HIVEP1: variants seen among roughly 807,000 people sequenced by gnomAD.
The protein encoded by HIVEP1 is HIVEP zinc finger 1.
HIVEP1 carries 36 observed loss-of-function variants against 180.0 expected under a neutral mutation model. The ratio of observed to expected loss-of-function variants is 0.20; its 90% CI spans 0.15 to 0.26. The LOEUF (loss-of-function observed/expected upper bound fraction) is 0.26. Ranked by LOEUF, HIVEP1 falls within the 10% of genes least tolerant of loss-of-function variation. HIVEP1 has a pLI of 1.00. For missense variants in HIVEP1, 3,143 were observed against 3,268.7 expected (o/e 0.96, Z 0.94); for synonymous variants, 1,239 against 1,239.0 (o/e 1.00, Z 0.00).
chr6:12,091,279 C>T (rs188169852), intron 3 of HIVEP1, among the ~76,000 whole-genome samples: 293 of 152,146 alleles, frequency 1.9e-3, no homozygotes, highest in African/African-American at 6.5e-3. Context: ...TACAATAGAT[C>T]TCTTTTTCAT....
intron 3 of HIVEP1, among the ~76,000 whole-genome samples, chr6:12,092,376 C>T (rs560748849): frequency 1.3e-5 from 2 of 152,248 alleles, no homozygotes; most frequent in South Asian, 4.1e-4. Context: ...TAAGATTCAC[C>T]CATGCCGTTG....
chr6:12,095,024 C>A (rs1242128858), intron 3 of HIVEP1, among the ~76,000 whole-genome samples: 1 of 151,988 alleles, frequency 6.6e-6, no homozygotes, highest in African/African-American at 2.4e-5. Context: ...TCCATCTTAT[C>A]TAAACAGTCA....
At chr6:12,147,758 G>C (rs1051257162) in intron 7 of HIVEP1, among the ~76,000 whole-genome samples, 4 of 152,164 alleles carry the variant, frequency 2.6e-5, no homozygotes, top group Admixed American at 2.6e-4. Flanking sequence ...AGTTTGGATG[G>C]AAAGTCTGAA....
chr6:12,156,305 G>C (rs1336430679), intron 7 of HIVEP1, among the ~76,000 whole-genome samples: 1 of 151,986 alleles, frequency 6.6e-6, no homozygotes, highest in Non-Finnish European at 1.5e-5. Flanking sequence ...TAAAATCTTT[G>C]CCCGTGACTG....
In HIVEP1 at chr6:12,145,515, T is replaced by TA. The variant is rs202193525; in HGVS notation, c.6487+9641dup. Among the ~76,000 whole-genome samples, 196 of 103,728 alleles carry TA rather than the reference T, an allele frequency of 1.9e-3. 2 individuals are homozygous for TA. Among genetic ancestry groups the TA allele is most frequent in the African/African-American group, 3.0e-3 (76 of 25,522 alleles). The allele number at this position is 103,728 out of a possible 152,430, so 68.0% of individuals were successfully genotyped here. On this transcript the variant is annotated intron_variant, in intron 7 of 8. Transcript: ENST00000379388. ...CATATGTACCCTAGAACTTAAAGTATAAAAAAAAAAAAAAAAAAGAACGCC... is the reference window on the plus strand; with the variant it reads ...CATATGTACCCTAGAACTTAAAGTATAAAAAAAAAAAAAAAAAAAGAACGCC...
the HIVEP1 span, among the ~76,000 whole-genome samples, chr6:12,183,616 C>A: frequency 6.6e-6 from 1 of 152,062 alleles, no homozygotes; most frequent in Non-Finnish European, 1.5e-5. Flanking sequence ...CATCTTTTTG[C>A]CACCTTTCAT....
intron 2 of HIVEP1, among the ~76,000 whole-genome samples, chr6:12,048,830 G>C (rs1290921809): frequency 6.6e-6 from 1 of 151,928 alleles, no homozygotes; most frequent in Non-Finnish European, 1.5e-5. Flanking sequence ...TTCTGCTTGG[G>C]GACAGTTTTG....
intron 1 of HIVEP1, among the ~76,000 whole-genome samples, chr6:12,013,660 T>A (rs1342469341): frequency 6.6e-6 from 1 of 152,224 alleles, no homozygotes; most frequent in Non-Finnish European, 1.5e-5. Context: ...CGAACGTAGT[T>A]AAGCATTCAT....
At position 12,063,036 on chromosome 6, in the gene HIVEP1, A is replaced by G. The variant is rs1771341610; in HGVS notation, c.41-26148A>G. On this transcript the variant is annotated intron_variant, in intron 2 of 8. Transcript: ENST00000379388. This position sits in a 1 kb window ranked among gnomAD's most constrained non-coding sequence, Gnocchi z 4.2. ...ATGTGAAGACTCCCCTGTTAGTAGT[A>G]GTTATTGCTAACACGTATCATTATT... Among the ~76,000 whole-genome samples the G allele has an allele frequency of 6.6e-6, 1 of 152,228 alleles. No individual in the cohort carries two copies. Among genetic ancestry groups the G allele is most frequent in the Admixed American group, 6.5e-5 (1 of 15,284 alleles).
At chr6:12,202,764 T>C in the HIVEP1 span, among the ~76,000 whole-genome samples, 2 of 152,172 alleles carry the variant, frequency 1.3e-5, no homozygotes, top group Non-Finnish European at 2.9e-5. Context: ...CCTCAAACAC[T>C]ATGGGTGCTG....
chr6:12,093,624 A>G (rs1260227133), intron 3 of HIVEP1, among the ~76,000 whole-genome samples: 1 of 151,780 alleles, frequency 6.6e-6, no homozygotes, highest in East Asian at 1.9e-4. Flanking sequence ...ACCATTGCTA[A>G]TATTGTTAAA....
At chr6:12,078,266 T>G (rs187842224) in intron 2 of HIVEP1, among the ~76,000 whole-genome samples, 23 of 152,234 alleles carry the variant, frequency 1.5e-4, no homozygotes, top group African/African-American at 5.1e-4. Flanking sequence ...GAAAGAATAG[T>G]CTCGGTGGTC....
chr6:12,018,016 C>T (rs1000185912), intron 2 of HIVEP1, among the ~76,000 whole-genome samples: 3 of 152,208 alleles, frequency 2.0e-5, no homozygotes, highest in African/African-American at 4.8e-5. Flanking sequence ...GAGCCCATGG[C>T]GTGGGGGGTG....
intron 2 of HIVEP1, among the ~76,000 whole-genome samples, chr6:12,051,443 C>A (rs1388774166): frequency 6.6e-6 from 1 of 152,118 alleles, no homozygotes; most frequent in Non-Finnish European, 1.5e-5. Flanking sequence ...AAAAGTCCAT[C>A]TTCTATCTCT....
At chr6:12,011,270 T>TGCCCCCCCC, upstream of HIVEP1, among the ~76,000 whole-genome samples, 1 of 71,630 alleles carries the variant, frequency 1.4e-5, no homozygotes, top group East Asian at 3.8e-4. Flanking sequence ...CCCCTTGGGG[T>TGCCCCCCCC]CCCCCCCCCC....
At chr6:12,165,416 G>A (rs1760676297), downstream of HIVEP1, among the ~76,000 whole-genome samples, 1 of 152,142 alleles carries the variant, frequency 6.6e-6, no homozygotes, top group African/African-American at 2.4e-5. Context: ...CGTGGGCTAT[G>A]GGCTCTTCTT....
chr6:12,041,574 C>G (rs977933567), intron 2 of HIVEP1, among the ~76,000 whole-genome samples: 2 of 151,126 alleles, frequency 1.3e-5, no homozygotes, highest in African/African-American at 2.4e-5. Context: ...CAGGTCATTA[C>G]ATGCAGATTT....
At chr6:12,185,241 G>A in the HIVEP1 span, among the ~76,000 whole-genome samples, 914 of 152,298 alleles carry the variant, frequency 6.0e-3, 6 homozygotes, top group South Asian at 0.014. Flanking sequence ...GGTGTAAGGC[G>A]TTCACCCAGA....
chr6:12,122,224 C>G lies in HIVEP1; in HGVS notation c.2429C>G (p.Pro810Arg). The part of the protein sequence containing the change: ...GRRTSSSSDI[P>R]KSPFTPTEKS... The stretch of plus-strand genomic sequence containing the variant: ...AGAACAAGTTCAAGCTCTGATATAC[C>G]GAAGTCACCTTTCACCCCTACTGAA... Residue 810 changes from proline (P) to arginine (R), a missense_variant, in exon 4 of 9, where the codon CCG becomes CGG. Coordinates refer to ENST00000379388, the MANE Select transcript of HIVEP1 (RefSeq NM_002114.4). 1 of 1,614,128 alleles carries G rather than the reference C, an allele frequency of 6.2e-7. No individual in the cohort carries two copies. Among genetic ancestry groups the G allele is most frequent in the Non-Finnish European group, 8.5e-7 (1 of 1,180,016 alleles).
Sources: gnomAD v4.1 joint callset for allele counts (sites outside exome capture counted in the v4.1 genomes callset) on GRCh38, gnomAD v4.1.1 for gene constraint, Gnocchi (gnomAD v3.1) non-coding constraint, MANE v1.5 for transcripts, NCBI Gene and HGNC (gene_info 2026-07-23, HGNC 2026-07-21) for gene names.